The following GARS1 variants were observed in gnomAD, a reference collection of about 807,000 sequenced individuals.
GARS1 encodes the protein glycyl-tRNA synthetase 1, also known as glycine--tRNA ligase.
GARS1 carries 46 observed loss-of-function variants against 86.4 expected under a neutral mutation model. That is an observed-to-expected ratio of 0.53 (90% CI 0.42 to 0.68). The LOEUF (loss-of-function observed/expected upper bound fraction) is 0.68, where lower values mean the gene tolerates loss of function less well. Among genes scored for constraint, GARS1 ranks in the 30% least tolerant of loss-of-function variants. GARS1 has a pLI of 0.00. For missense variants in GARS1, 797 were observed against 915.6 expected (o/e 0.87, Z 1.67); for synonymous variants, 342 against 329.8 (o/e 1.04, Z -0.40).
At chr7:30,622,239 ATGAT>A (rs1246366053) in intron 11 of GARS1, 74 bp from the exon 12 acceptor site, 42 of 1,556,828 alleles carry the variant, frequency 2.7e-5, no homozygotes, top group Non-Finnish European at 3.5e-5. Context: ...TTTTAAGTTG[ATGAT>A]TGATTGTTCT....
rs1162246784 is a variant in GARS1, at chr7:30,632,289, A to C, written c.1946A>C (p.Asp649Ala). 6.2e-7 allele frequency: 1 copy of C among 1,614,176 alleles called. No homozygotes were observed. The highest frequency in any genetic ancestry group is 8.5e-7 in the Non-Finnish European group (1 of 1,180,030). The part of the protein sequence containing the change: ...TRHGVSHKVD[D>A]SSGSIGRRYA... Reference sequence around the variant, plus strand: ...CATGGAGTATCTCACAAAGTAGACGATTCCTCTGGGTCAATCGGAAGGCGC... The same window carrying C: ...CATGGAGTATCTCACAAAGTAGACGCTTCCTCTGGGTCAATCGGAAGGCGC... Residue 649 changes from aspartate (D) to alanine (A), a missense_variant, in exon 16 of 17, where the codon GAT becomes GCT. Coordinates refer to ENST00000389266, the MANE Select transcript of GARS1 (RefSeq NM_002047.4). This position sits in a 1 kb window ranked among gnomAD's most constrained non-coding sequence, Gnocchi z 4.1.
intron 11 of GARS1, chr7:30,622,092 A>C: frequency 1.8e-6 from 1 of 559,816 alleles, no homozygotes; most frequent in South Asian, 2.0e-5. Flanking sequence ...CTTTTTTCTC[A>C]CTGTAACTGG....
At chr7:30,631,808 C>T (rs1783240525) in intron 15 of GARS1, among the ~76,000 whole-genome samples, 1 of 152,188 alleles carries the variant, frequency 6.6e-6, no homozygotes, top group Non-Finnish European at 1.5e-5. Context: ...ACCTTGGTGC[C>T]AAGTTCATCG....
intron 12 of GARS1, among the ~76,000 whole-genome samples, chr7:30,622,897 G>A (rs1043175415): frequency 2.0e-5 from 3 of 151,900 alleles, no homozygotes; most frequent in Admixed American, 6.6e-5. Context: ...TCAGGAGATC[G>A]AGACCATCCT....
rs80130604 is a variant in GARS1, at chr7:30,598,577, T to C, written c.223-219T>C. 5.9e-5 allele frequency among the ~76,000 whole-genome samples: 9 copies of C among 152,084 alleles called. No homozygotes were observed. In the East Asian group the frequency reaches 9.7e-4, roughly 16 times the overall value. ...CTAATTTTTGTATTTTCAGTAGCGA[T>C]GGTGTATCACCATGTTGGCCAGGAT... On this transcript the variant is annotated intron_variant, in intron 1 of 16. Transcript: ENST00000389266.
chr7:30,595,730 T>C (rs931417737), intron 1 of GARS1: 6 of 470,582 alleles, frequency 1.3e-5, no homozygotes, highest in Non-Finnish European at 2.6e-5. Flanking sequence ...GAAAATAGAA[T>C]TGAAATGTGG....
At position 30,632,303 on chromosome 7, in the gene GARS1, A is replaced by G. The variant is rs1406586832; in HGVS notation, c.1960A>G (p.Ile654Val). ...SHKVDDSSGS[I>V]GRRYARTDEI... ...CAAAGTAGACGATTCCTCTGGGTCA[A>G]TCGGAAGGCGCTATGCCAGGACTGA... Residue 654 changes from isoleucine (I) to valine (V), a missense_variant, in exon 16 of 17, where the codon ATC (isoleucine) becomes GTC (valine). Ile to Val is a conservative substitution (Grantham distance 29). Transcript: ENST00000389266. The surrounding 1 kb of genome is among the most constrained non-coding windows in gnomAD (Gnocchi z 4.1). The G allele has an allele frequency of 7.4e-6, 12 of 1,614,076 alleles. No individual in the cohort carries two copies. Among genetic ancestry groups the G allele is most frequent in the South Asian group, 1.1e-5 (1 of 91,088 alleles).
At position 30,622,352 on chromosome 7, in the gene GARS1, G is replaced by A; in HGVS notation, c.1503G>A (p.Lys501=). The A allele has an allele frequency of 1.2e-6, 2 of 1,614,170 alleles. No homozygotes were observed. Among genetic ancestry groups the A allele is most frequent in the African/African-American group, 2.7e-5 (2 of 75,056 alleles). The change falls in exon 12 of 17, where the codon AAG becomes AAA. Residue 501 remains lysine, a synonymous_variant. Coordinates refer to ENST00000389266, the MANE Select transcript of GARS1 (RefSeq NM_002047.4). The part of the protein sequence containing the change: ...TVNVVQFEPS[K]GAIGKAYKKD... ...ATGTTGTTCAGTTTGAACCCAGTAA[G>A]GGAGCAATTGGTAAGGCATATAAGA... is the stretch of plus-strand genomic sequence containing the variant.
At chr7:30,621,355 ATAAG>A (rs1783001898) in intron 10 of GARS1, 34 bp from the exon 11 acceptor site, 8 of 1,534,988 alleles carry the variant, frequency 5.2e-6, no homozygotes, top group Middle Eastern at 1.7e-4. Context: ...ATAAGTAATA[ATAAG>A]TAAGTAATGT....
intron 9 of GARS1, among the ~76,000 whole-genome samples, chr7:30,616,826 T>C (rs185877587): frequency 3.3e-5 from 5 of 152,302 alleles, no homozygotes; most frequent in African/African-American, 9.6e-5. Context: ...TTTAGTACTG[T>C]AGATTTAGAG....
chr7:30,628,797 C>G, intron 14 of GARS1, 128 bp downstream of exon 14: 2 of 617,812 alleles, frequency 3.2e-6, no homozygotes, highest in East Asian at 3.0e-5. Flanking sequence ...GTGCTATTAA[C>G]ACTCATCTTT....
intron 7 of GARS1, among the ~76,000 whole-genome samples, chr7:30,611,201 C>G (rs1791591120): frequency 6.6e-6 from 1 of 152,084 alleles, no homozygotes; most frequent in South Asian, 2.1e-4. Context: ...GCGGAAGCCT[C>G]TGGTTGAAAA....
chr7:30,595,274 C>T (rs778425012), intron 1 of GARS1, 131 bp downstream of exon 1: 124 of 913,214 alleles, frequency 1.4e-4, no homozygotes, highest in Non-Finnish European at 1.9e-4. Context: ...CATCCTCTGG[C>T]GTCTTCTTCG....
intron 11 of GARS1, chr7:30,621,803 G>C (rs1783012868): frequency 2.1e-5 from 10 of 469,226 alleles, no homozygotes; most frequent in Non-Finnish European, 3.8e-5. Context: ...CTTCACACCT[G>C]CACCTACCTA....
upstream of GARS1, chr7:30,594,876 C>T: frequency 6.8e-7 from 1 of 1,479,598 alleles, no homozygotes; most frequent in Admixed American, 2.0e-5. Flanking sequence ...GCGGCGCGCG[C>T]CGCTTCCGTC....
rs544854311 is a variant in GARS1 at position 30,602,030 on chromosome 7, C to T, written c.569+830C>T. ...ATCTCCTGACCTCGTGATCCGCCCG[C>T]CTCGGCCTCCCAAAGTAGGGCAGAA... On this transcript the variant is annotated intron_variant, in intron 4 of 16. Coordinates refer to ENST00000389266, the MANE Select transcript of GARS1 (RefSeq NM_002047.4). 3.3e-5 allele frequency among the ~76,000 whole-genome samples: 5 copies of T among 151,982 alleles called. No homozygotes were observed. The South Asian group carries it at 8.3e-4, about 25-fold the overall frequency.
At chr7:30,619,373 T>C (rs1448612482) in intron 10 of GARS1, among the ~76,000 whole-genome samples, 4 of 152,208 alleles carry the variant, frequency 2.6e-5, no homozygotes, top group African/African-American at 9.7e-5. Flanking sequence ...TTAATACTTT[T>C]TGTGTACTTT....
At chr7:30,614,523 C>G (rs1311911786) in intron 8 of GARS1, among the ~76,000 whole-genome samples, 2 of 152,086 alleles carry the variant, frequency 1.3e-5, no homozygotes, top group Non-Finnish European at 2.9e-5. Context: ...TGAAAGACAA[C>G]TAAAACATAG....
At chr7:30,603,627 C>T in intron 6 of GARS1, 55 bp downstream of exon 6, 1 of 1,261,428 alleles carries the variant, frequency 7.9e-7, no homozygotes. Context: ...GTCCTTCTTT[C>T]AGTGTTTAAT....
Sources: allele counts gnomAD v4.1 joint callset (sites outside exome capture counted in the v4.1 genomes callset), GRCh38; gene constraint gnomAD v4.1.1; non-coding constraint Gnocchi (gnomAD v3.1); transcripts MANE v1.5; gene names NCBI Gene and HGNC (gene_info 2026-07-23, HGNC 2026-07-21).